Variants in RSU1 observed in about 807,000 individuals in gnomAD.
The protein encoded by RSU1 is rsu-1.
Under a neutral mutation model 31.1 loss-of-function variants are expected in RSU1, and 26 were observed. The ratio of observed to expected loss-of-function variants is 0.84; its 90% CI spans 0.61 to 1.16. RSU1 has a LOEUF of 1.16. Ranked by LOEUF, RSU1 falls within the 50% of genes most tolerant of loss-of-function variation. The pLI, the probability that RSU1 is intolerant of heterozygous loss-of-function variation, is 0.00. For synonymous variants in RSU1, 164 were observed against 136.3 expected (o/e 1.20, Z -1.41); for missense variants, 320 against 339.1 (o/e 0.94, Z 0.44).
chr10:16,695,235 GC>G, intron 7 of RSU1, 80 bp from the exon 8 acceptor site: 1 of 1,370,762 alleles, frequency 7.3e-7, no homozygotes, highest in East Asian at 2.3e-5. Flanking sequence ...AGTAATCACA[GC>G]CTAAGTACCC....
chr10:16,685,833 G>A (rs749438749), intron 8 of RSU1, among the ~76,000 whole-genome samples: 59 of 152,100 alleles, frequency 3.9e-4, no homozygotes, highest in African/African-American at 1.3e-3. Flanking sequence ...TGGTTCATGC[G>A]TCCCAGAGAG....
chr10:16,637,783 G>A (rs1372434376), intron 8 of RSU1, among the ~76,000 whole-genome samples: 2 of 150,934 alleles, frequency 1.3e-5, no homozygotes, highest in Non-Finnish European at 2.9e-5. Context: ...ACCAAGCGCT[G>A]ACTAACGGCA....
chr10:16,593,592 A>C, intron 8 of RSU1, 96 bp from the exon 9 acceptor site: 1 of 943,312 alleles, frequency 1.1e-6, no homozygotes, highest in South Asian at 1.4e-5. Flanking sequence ...ATCTCCAAAA[A>C]TATTCAGTAA....
At chr10:16,817,232 G>GTGGGTTTGGGGT in intron 1 of RSU1, 83 bp downstream of exon 1, 10 of 455,792 alleles carry the variant, frequency 2.2e-5, no homozygotes, top group African/African-American at 6.0e-5. Flanking sequence ...CGGGTGCGGG[G>GTGGGTTTGGGGT]AGGGGATGGA....
At position 16,646,063 on chromosome 10, in the gene RSU1, C is replaced by CATATATGTGTATATATATGTGTATAT. The variant is rs1564298722; in HGVS notation, c.731+48959_731+48960insATATACACATATATATACACATATAT. 3.8e-4 allele frequency among the ~76,000 whole-genome samples: 2 copies of CATATATGTGTATATATATGTGTATAT among 5,224 alleles called. 1 individual carries two copies. Among genetic ancestry groups the CATATATGTGTATATATATGTGTATAT allele is most frequent in the African/African-American group, 7.2e-4 (2 of 2,776 alleles). The allele number at this position is 5,224 out of a possible 152,430, so 3.4% of individuals were successfully genotyped here. A position where few individuals can be genotyped will look rare whatever the true frequency, so the allele number is the denominator to read the frequency against. On this transcript the variant is annotated intron_variant, in intron 8 of 8. Coordinates refer to ENST00000345264, the MANE Select transcript of RSU1 (RefSeq NM_012425.4). Reference sequence around the variant, plus strand: ...ATACATATATGTGTATATATATATACACACACACACACACACACACACACA... The same window carrying CATATATGTGTATATATATGTGTATAT: ...ATACATATATGTGTATATATATATACATATATGTGTATATATATGTGTATATACACACACACACACACACACACACA...
At chr10:16,727,065 A>T in intron 7 of RSU1, 2 of 456,656 alleles carry the variant, frequency 4.4e-6, no homozygotes, top group Non-Finnish European at 8.8e-6. Context: ...CAAGGAACTA[A>T]TTAATGTGCA....
rs1554767084 is a variant in RSU1, at chr10:16,695,158, G to GGGGT, written c.599-4_599-3insACCC. 2.0e-5 allele frequency: 17 copies of GGGGT among 847,736 alleles called. No homozygotes were observed. The highest frequency in any genetic ancestry group is 3.0e-5 in the Admixed American group (1 of 32,884). The allele number at this position is 847,736 out of a possible 1,614,324, so 52.5% of individuals were successfully genotyped here. A position where few individuals can be genotyped will look rare whatever the true frequency, so the allele number is the denominator to read the frequency against. On this transcript the variant is annotated splice_polypyrimidine_tract_variant and splice_region_variant and intron_variant, in intron 7 of 8. Transcript: ENST00000345264. Reference sequence around the variant, plus strand: ...CTGGCCAGTTAAATCCAAGTTTCCTGGGGGGGGGGAAAAAAAAAGTGAAGG... The same window carrying GGGGT: ...CTGGCCAGTTAAATCCAAGTTTCCTGGGGTGGGGGGGGGAAAAAAAAAGTGAAGG...
intron 7 of RSU1, among the ~76,000 whole-genome samples, chr10:16,715,995 A>C (rs745578108): frequency 4.0e-4 from 61 of 152,228 alleles, no homozygotes; most frequent in Non-Finnish European, 8.4e-4. Context: ...AAAGTAGAAA[A>C]ATTTTTCTTA....
intron 7 of RSU1, among the ~76,000 whole-genome samples, chr10:16,748,713 C>A (rs189680616): frequency 6.6e-6 from 1 of 152,198 alleles, no homozygotes. Flanking sequence ...TGCTCTTCCT[C>A]AACACAAGCC....
chr10:16,717,725 T>C (rs1228358303), intron 7 of RSU1, among the ~76,000 whole-genome samples: 1 of 152,124 alleles, frequency 6.6e-6, no homozygotes, highest in Non-Finnish European at 1.5e-5. Context: ...ACTTCAAAAA[T>C]TTAACAGTAG....
At chr10:16,683,779 G>A (rs1835382389) in intron 8 of RSU1, among the ~76,000 whole-genome samples, 1 of 152,190 alleles carries the variant, frequency 6.6e-6, no homozygotes, top group African/African-American at 2.4e-5. Flanking sequence ...GGAGGCATGA[G>A]ACATCAATCA....
intron 2 of RSU1, among the ~76,000 whole-genome samples, chr10:16,786,122 G>A (rs1017045020): frequency 2.6e-5 from 4 of 152,298 alleles, no homozygotes; most frequent in Non-Finnish European, 5.9e-5. Context: ...GTGGAAGCCA[G>A]GGATGCTGAC....
At chr10:16,636,077 ACTTCT>A (rs1834340138) in intron 8 of RSU1, among the ~76,000 whole-genome samples, 2 of 152,036 alleles carry the variant, frequency 1.3e-5, no homozygotes, top group Non-Finnish European at 2.9e-5. Context: ...TGTATGAAGT[ACTTCT>A]CTTCTTTTTA....
At chr10:16,757,871 T>C (rs575577648) in intron 4 of RSU1, among the ~76,000 whole-genome samples, 128 of 152,344 alleles carry the variant, frequency 8.4e-4, no homozygotes, top group African/African-American at 3.0e-3. Flanking sequence ...GCTGATTCCT[T>C]AACATTTTTC....
intron 3 of RSU1, among the ~76,000 whole-genome samples, chr10:16,778,997 C>G (rs1008313922): frequency 6.6e-6 from 1 of 152,172 alleles, no homozygotes; most frequent in Admixed American, 6.5e-5. Flanking sequence ...TCTGACTTTG[C>G]CAATGACTTT....
At chr10:16,620,738 G>A (rs1332761653) in intron 8 of RSU1, among the ~76,000 whole-genome samples, 1 of 151,856 alleles carries the variant, frequency 6.6e-6, no homozygotes, top group Non-Finnish European at 1.5e-5. Flanking sequence ...CCAGCTACTT[G>A]GGAGGCTGAG....
At chr10:16,769,859 G>A (rs1837387937) in intron 3 of RSU1, among the ~76,000 whole-genome samples, 1 of 152,178 alleles carries the variant, frequency 6.6e-6, no homozygotes, top group African/African-American at 2.4e-5. Flanking sequence ...AGCTTAACAC[G>A]TTCAACGTGG....
chr10:16,611,657 C>T (rs1332169046), intron 8 of RSU1, among the ~76,000 whole-genome samples: 3 of 152,194 alleles, frequency 2.0e-5, no homozygotes, highest in Non-Finnish European at 2.9e-5. Flanking sequence ...GACATCTGCA[C>T]CTCCAGCTAA....
At position 16,611,364 on chromosome 10, in the gene RSU1, C is replaced by T. The variant is rs549582166; in HGVS notation, c.732-17868G>A. 1.5e-3 allele frequency among the ~76,000 whole-genome samples: 236 copies of T among 152,310 alleles called. 8 individuals are homozygous for T. Among genetic ancestry groups the T allele is most frequent in the Non-Finnish European group, 3.4e-4 (23 of 68,026 alleles). On this transcript the variant is annotated intron_variant, in intron 8 of 8. Transcript: ENST00000345264. ...ACAAGGCAATAAACTGCTTAGAAAT[C>T]CCCTGGTTATAATAGGGCTAACTGT... is the stretch of plus-strand genomic sequence containing the variant.
Sources: allele counts gnomAD v4.1 joint callset (sites outside exome capture counted in the v4.1 genomes callset), GRCh38; gene constraint gnomAD v4.1.1; transcripts MANE v1.5; gene names NCBI Gene and HGNC (gene_info 2026-07-23, HGNC 2026-07-21).